Variants in PTPRA observed in about 807,000 individuals in gnomAD.
The protein encoded by PTPRA is receptor-type tyrosine-protein phosphatase alpha.
In PTPRA, 25 loss-of-function variants were observed where a neutral mutation model predicts 104.8. The observed-to-expected ratio is 0.24, with a 90% CI of 0.17 to 0.33. PTPRA has a LOEUF of 0.33. Ranked by LOEUF, PTPRA falls within the 10% of genes least tolerant of loss-of-function variation. PTPRA has a pLI of 1.00. For missense variants in PTPRA, 765 were observed against 1,015.3 expected (o/e 0.75, Z 3.35); for synonymous variants, 323 against 368.9 (o/e 0.88, Z 1.43).
At chr20:2,946,572 G>A (rs181121103) in intron 2 of PTPRA, among the ~76,000 whole-genome samples, 11 of 152,160 alleles carry the variant, frequency 7.2e-5, no homozygotes, top group South Asian at 2.1e-4. Context: ...AGAGTAGGCC[G>A]GGCATGGTGG....
chr20:2,971,448 T>C (rs867938962), intron 5 of PTPRA, among the ~76,000 whole-genome samples: 10 of 152,228 alleles, frequency 6.6e-5, no homozygotes, highest in African/African-American at 2.4e-4. Context: ...CCTTAAACTC[T>C]CTTAGTATTG....
rs759184291 is a variant in PTPRA, at chr20:3,017,784, A to G, written c.944-32A>G. 18 of 1,578,386 alleles carry G rather than the reference A, an allele frequency of 1.1e-5. 1 individual carries two copies. Among genetic ancestry groups the G allele is most frequent in the South Asian group, 8.9e-5 (8 of 90,370 alleles). On this transcript the variant is annotated intron_variant, in intron 12 of 23. Transcript: ENST00000399903. ...CCCAGCATCTTTCTTCTTGGTGTAT[A>G]TTCTCTTCATTTTTGCTGTTGGCTA... is the stretch of plus-strand genomic sequence containing the variant.
At chr20:2,921,527 A>G (rs2060096608) in intron 1 of PTPRA, among the ~76,000 whole-genome samples, 1 of 151,982 alleles carries the variant, frequency 6.6e-6, no homozygotes, top group Admixed American at 6.6e-5. Flanking sequence ...GATAGTACAA[A>G]AGTTTAGAAT....
At chr20:2,866,335 G>T in the PTPRA span, 1 of 1,614,170 alleles carries the variant, frequency 6.2e-7, no homozygotes, top group South Asian at 1.1e-5. Flanking sequence ...CTGAGGGCCT[G>T]TGGGTGCTGG....
intron 1 of PTPRA, among the ~76,000 whole-genome samples, chr20:2,894,255 T>C (rs2058906841): frequency 6.6e-6 from 1 of 152,210 alleles, no homozygotes. Flanking sequence ...ACTTTCAGCC[T>C]CTATAATGCC....
At chr20:2,907,762 A>G (rs748832551) in intron 1 of PTPRA, among the ~76,000 whole-genome samples, 57 of 152,118 alleles carry the variant, frequency 3.7e-4, no homozygotes, top group Admixed American at 7.9e-4. Flanking sequence ...TGTAACATCT[A>G]TCAAACTCAT....
chr20:2,989,935 A>T (rs2063095392), intron 9 of PTPRA, among the ~76,000 whole-genome samples: 1 of 152,016 alleles, frequency 6.6e-6, no homozygotes, highest in East Asian at 1.9e-4. Flanking sequence ...GAGAATGGTC[A>T]GAACCCGGGA....
At position 3,038,378 on chromosome 20, in the gene PTPRA, C is replaced by A; in HGVS notation, c.*245C>A. 2.5e-6 allele frequency: 1 copy of A among 400,622 alleles called. No individual in the cohort carries two copies. Among genetic ancestry groups the A allele is most frequent in the Non-Finnish European group, 4.5e-6 (1 of 221,398 alleles). 24.8% of individuals were successfully genotyped at this position (400,622 alleles called of 1,614,324 possible). Reference sequence around the variant, plus strand: ...GGATTGATATCGTGAAATCCTCAGCCGAGAAATTGGGCTGGATTGTGCTTT... The same window carrying A: ...GGATTGATATCGTGAAATCCTCAGCAGAGAAATTGGGCTGGATTGTGCTTT... On this transcript the variant is annotated 3_prime_UTR_variant, in exon 24 of 24. Coordinates refer to ENST00000399903, the MANE Select transcript of PTPRA (RefSeq NM_001385305.1).
chr20:2,933,095 CAG>C (rs2060566397), intron 2 of PTPRA, among the ~76,000 whole-genome samples: 1 of 152,178 alleles, frequency 6.6e-6, no homozygotes, highest in African/African-American at 2.4e-5. Context: ...ACATAAATGT[CAG>C]AGAGATTACA....
chr20:2,955,474 A>T (rs139597289), intron 3 of PTPRA: 1 of 195,980 alleles, frequency 5.1e-6, no homozygotes, highest in Non-Finnish European at 9.3e-6. Context: ...AATGTTGTCT[A>T]TGCAAGTGAG....
chr20:2,879,145 G>T (rs1288951792), intron 1 of PTPRA, among the ~76,000 whole-genome samples: 2 of 152,176 alleles, frequency 1.3e-5, no homozygotes, highest in Non-Finnish European at 2.9e-5. Flanking sequence ...TGATGAAAGG[G>T]GAAGAATAGG....
At chr20:2,905,640 A>G (rs2059395678) in intron 1 of PTPRA, among the ~76,000 whole-genome samples, 1 of 151,544 alleles carries the variant, frequency 6.6e-6, no homozygotes, top group African/African-American at 2.4e-5. Context: ...CTGTCTTACT[A>G]ATTGTGGGCG....
chr20:2,916,886 CT>C (rs2059920512), intron 1 of PTPRA, among the ~76,000 whole-genome samples: 1 of 151,528 alleles, frequency 6.6e-6, no homozygotes, highest in African/African-American at 2.4e-5. Context: ...TTTGTTCTTC[CT>C]TTTCAAGATT....
intron 2 of PTPRA, among the ~76,000 whole-genome samples, chr20:2,945,854 G>T (rs184244492): frequency 4.9e-4 from 75 of 151,934 alleles, no homozygotes; most frequent in South Asian, 1.9e-3. Flanking sequence ...ACTCAAGCCC[G>T]GGAGGTAGAG....
chr20:3,030,676 C>CT (rs1180681994), intron 20 of PTPRA, among the ~76,000 whole-genome samples: 14,327 of 67,698 alleles, frequency 0.21, 5,122 homozygotes, highest in African/African-American at 0.35. Context: ...TCTCCCTCTG[C>CT]TTTTTTTTTT....
At chr20:2,891,843 A>G (rs991420130) in intron 1 of PTPRA, among the ~76,000 whole-genome samples, 1 of 152,208 alleles carries the variant, frequency 6.6e-6, no homozygotes, top group Admixed American at 6.5e-5. Context: ...TGTGTACTTT[A>G]TAGGCCCTAA....
At chr20:2,931,534 T>C (rs1001524965) in intron 2 of PTPRA, among the ~76,000 whole-genome samples, 1 of 152,002 alleles carries the variant, frequency 6.6e-6, no homozygotes, top group African/African-American at 2.4e-5. Context: ...ATTTGAGCCT[T>C]TGTGTGGGAG....
chr20:2,897,906 CT>C (rs34328077), intron 1 of PTPRA, among the ~76,000 whole-genome samples: 8,643 of 83,950 alleles, frequency 0.1, 247 homozygotes, highest in African/African-American at 0.26. Context: ...CCTCATCATT[CT>C]TTTTTTTTTT....
the PTPRA span, chr20:2,866,491 G>A: frequency 1.5e-5 from 25 of 1,614,036 alleles, no homozygotes; most frequent in African/African-American, 8.0e-5. Context: ...GCTGAGCCTC[G>A]TATTGTCCCA....
Sources: allele counts gnomAD v4.1 joint callset (sites outside exome capture counted in the v4.1 genomes callset), GRCh38; gene constraint gnomAD v4.1.1; transcripts MANE v1.5; gene names NCBI Gene and HGNC (gene_info 2026-07-23, HGNC 2026-07-21).